Variants in FMNL1 observed in about 807,000 individuals in gnomAD.
The protein encoded by FMNL1 is formin-like protein 1.
A neutral mutation model predicts 121.3 loss-of-function variants in FMNL1; 43 were observed. The ratio of observed to expected loss-of-function variants is 0.35; its 90% confidence interval spans 0.28 to 0.46. FMNL1 has a LOEUF of 0.46. FMNL1 is among the 20% of genes least tolerant of loss of function. The pLI, the probability that FMNL1 is intolerant of heterozygous loss-of-function variation, is 1.00. For synonymous variants in FMNL1, 613 were observed against 613.5 expected (o/e 1.00, Z 0.01); for missense variants, 1,191 against 1,482.4 (o/e 0.80, Z 3.23).
rs1382427058 is a variant in FMNL1 at position 45,222,167 on chromosome 17, G to A, written c.43G>A (p.Ala15Thr). 4 of 1,213,970 alleles carry A rather than the reference G, an allele frequency of 3.3e-6. No individual in the cohort carries two copies. Among genetic ancestry groups the A allele is most frequent in the African/African-American group, 3.2e-5 (2 of 62,186 alleles). The allele number at this position is 1,213,970 out of a possible 1,614,324, so 75.2% of individuals were successfully genotyped here. A position where few individuals can be genotyped will look rare whatever the true frequency, so the allele number is the denominator to read the frequency against. Residue 15 changes from alanine (A) to threonine (T), a missense_variant, in exon 1 of 27, where the codon GCC becomes ACC. By Grantham distance (58) the Ala-to-Thr change is moderately conservative (BLOSUM62 0). Around this residue, in one of 4 missense-constraint regions of FMNL1, gnomAD observed 52 missense variants for 43.4 expected, o/e 1.20. Transcript: ENST00000331495. ...CAGCGCCGAGCAGCCCGCGGGCCCC[G>A]CCGCGCCGCCCCCCAAGCAGCCCGC... ...AGSAEQPAGPAAPPPKQPAPP... is the reference protein window; with the variant it reads ...AGSAEQPAGPTAPPPKQPAPP...
In FMNL1 at chr17:45,241,751, TAGG is replaced by T; in HGVS notation, c.1586-93_1586-91del. ...GTTTGGATTGTAGGCTCGGCTCAGG[TAGG>T]AGCGCATGCGTAGAGCGGAGAGGCG... On this transcript the variant is annotated intron_variant, in intron 14 of 26. Coordinates refer to ENST00000331495, the MANE Select transcript of FMNL1 (RefSeq NM_005892.4). The surrounding 1 kb of genome is among the most constrained non-coding windows in gnomAD (Gnocchi z 7.0). 1 of 1,430,398 alleles carries T rather than the reference TAGG, an allele frequency of 7.0e-7. No homozygotes were observed. Among genetic ancestry groups the T allele is most frequent in the Non-Finnish European group, 9.1e-7 (1 of 1,096,178 alleles). The allele number at this position is 1,430,398 out of a possible 1,614,324, so 88.6% of individuals were successfully genotyped here.
Position 45,233,606 on chromosome 17 carries a change from A to G in FMNL1, c.402-42A>G. Reference sequence around the variant, plus strand: ...CTGTTCTGTGCCCATGTGGGGCAGGACCTCCTTTCTGGCTGGAGCTCAGGG... The same window carrying G: ...CTGTTCTGTGCCCATGTGGGGCAGGGCCTCCTTTCTGGCTGGAGCTCAGGG... On this transcript the variant is annotated intron_variant, in intron 4 of 26. Coordinates refer to ENST00000331495, the MANE Select transcript of FMNL1 (RefSeq NM_005892.4). This position sits in a 1 kb window ranked among gnomAD's most constrained non-coding sequence, Gnocchi z 4.1. 1 of 1,611,074 alleles carries G rather than the reference A, an allele frequency of 6.2e-7. No individual in the cohort carries two copies. The highest frequency in any genetic ancestry group is 8.5e-7 in the Non-Finnish European group (1 of 1,177,884).
intron 9 of FMNL1, chr17:45,238,291 G>C: frequency 2.6e-6 from 1 of 388,418 alleles, no homozygotes; most frequent in African/African-American, 2.1e-5. Flanking sequence ...GGAAGCAAGG[G>C]ACTTGGTGTG....
At chr17:45,240,430 C>CA in intron 11 of FMNL1, 46 bp from the exon 12 acceptor site, 1 of 1,520,248 alleles carries the variant, frequency 6.6e-7, no homozygotes, top group South Asian at 1.3e-5. Flanking sequence ...GACTCCCCCC[C>CA]ACACACACAC....
chr17:45,242,016 GC>G lies in FMNL1; in HGVS notation c.1760del (p.Pro587HisfsTer33), dbSNP rs1273555855. 1 of 1,288,292 alleles carries G rather than the reference GC, an allele frequency of 7.8e-7. No homozygotes were observed. Among genetic ancestry groups the G allele is most frequent in the Non-Finnish European group, 9.9e-7 (1 of 1,014,104 alleles). The allele number at this position is 1,288,292 out of a possible 1,614,324, so 79.8% of individuals were successfully genotyped here. A position where few individuals can be genotyped will look rare whatever the true frequency, so the allele number is the denominator to read the frequency against. ...CGCCGCCGCTGCCCGGAGACCTGCC[GC>G]CCCCACCCCCGCCACCGCCACCACC... Reference protein sequence around the residue: ...PAPPLPGDLPPPPPPPPPPPG... With the variant: ...PAPPLPGDLPXPPPPPPPPPG... On this transcript the variant is annotated frameshift_variant, in exon 15 of 27. Transcript: ENST00000331495. LOFTEE classifies it high-confidence loss of function.
intron 19 of FMNL1, 32 bp downstream of exon 19, chr17:45,244,276 C>A (rs1400318516): frequency 6.3e-7 from 1 of 1,594,910 alleles, no homozygotes; most frequent in African/African-American, 1.3e-5. Flanking sequence ...CCCACCCTTG[C>A]CTGTTCTGGA....
chr17:45,238,511 T>G (rs1598199854), intron 9 of FMNL1, 53 bp from the exon 10 acceptor site: 2 of 1,592,394 alleles, frequency 1.3e-6, no homozygotes, highest in Non-Finnish European at 1.7e-6. Context: ...AGCCAGAAGG[T>G]AGCTTAGGAC....
In FMNL1 at chr17:45,240,714, GCAGA is replaced by G. The variant is rs2043669399; in HGVS notation, c.1230+93_1230+96del. 25 of 1,492,568 alleles carry G rather than the reference GCAGA, an allele frequency of 1.7e-5. No individual in the cohort carries two copies. In the South Asian group the frequency reaches 2.7e-4, roughly 16 times the overall value. 92.5% of individuals were successfully genotyped at this position (1,492,568 alleles called of 1,614,324 possible). On this transcript the variant is annotated intron_variant, in intron 12 of 26. Transcript: ENST00000331495. ...GCCACGCAAGCATGGGCACTGGGCA[GCAGA>G]CAGTGTTATAATTGTGCATTGGAGG...
chr17:45,237,499 C>CG lies in FMNL1; in HGVS notation c.801-44dup. 1 of 1,611,718 alleles carries CG rather than the reference C, an allele frequency of 6.2e-7. No individual in the cohort carries two copies. The highest frequency in any genetic ancestry group is 8.5e-7 in the Non-Finnish European group (1 of 1,177,920). ...GCCAGGCCTGTGCCCACCCTTGCCG[C>CG]GGGTCCTGCCTGTTCTCAAGGGACA... On this transcript the variant is annotated intron_variant, in intron 8 of 26. Transcript: ENST00000331495. The surrounding 1 kb of genome is among the most constrained non-coding windows in gnomAD (Gnocchi z 4.4).
chr17:45,234,977 C>G (rs529960139), intron 6 of FMNL1: 1 of 152,552 alleles, frequency 6.6e-6, no homozygotes, highest in East Asian at 1.9e-4. Flanking sequence ...CATCCTAACA[C>G]GGGCATCTTG....
intron 12 of FMNL1, chr17:45,240,843 C>T: frequency 1.3e-6 from 1 of 754,536 alleles, no homozygotes; most frequent in Non-Finnish European, 2.1e-6. Flanking sequence ...CTGACAGGCC[C>T]CTCCTCTACC....
At chr17:45,232,924 T>C (rs1199837232) in intron 3 of FMNL1, 2 of 568,622 alleles carry the variant, frequency 3.5e-6, no homozygotes, top group Admixed American at 4.4e-5. Flanking sequence ...GATGTTCATG[T>C]GCTGTGTGTG....
rs763077404 is a variant in FMNL1, at chr17:45,230,657, C to T, written c.183C>T (p.Asn61=). 5 of 1,613,772 alleles carry T rather than the reference C, an allele frequency of 3.1e-6. No individual in the cohort carries two copies. Among genetic ancestry groups the T allele is most frequent in the Non-Finnish European group, 4.2e-6 (5 of 1,179,868 alleles). Residue 61 remains asparagine (N), a synonymous_variant, in exon 2 of 27, where the codon AAC becomes AAT. Coordinates refer to ENST00000331495, the MANE Select transcript of FMNL1 (RefSeq NM_005892.4). ...TCCAGCTGCTGAGCCAGTATGACAA[C>T]GAGAAGAAGTGGGAGCTCATCTGTG... ...DKVQLLSQYD[N]EKKWELICDQ... is the part of the protein sequence containing the mutation.
rs1444775851 is a variant in FMNL1, at chr17:45,233,458, C to G, written c.401+161C>G. ...GGACAGCTTCCCCTCCCCTTCCTGCCCATGCTCTGACTGGCACCTTGAGGC... is the reference window on the plus strand; with the variant it reads ...GGACAGCTTCCCCTCCCCTTCCTGCGCATGCTCTGACTGGCACCTTGAGGC... On this transcript the variant is annotated intron_variant, in intron 4 of 26. Transcript: ENST00000331495. The surrounding 1 kb of genome is among the most constrained non-coding windows in gnomAD (Gnocchi z 4.1). 6.6e-6 allele frequency among the ~76,000 whole-genome samples: 1 copy of G among 152,108 alleles called. No individual in the cohort carries two copies. Among genetic ancestry groups the G allele is most frequent in the Non-Finnish European group, 1.5e-5 (1 of 67,990 alleles).
At chr17:45,227,090 A>T (rs950982759) in intron 1 of FMNL1, among the ~76,000 whole-genome samples, 1 of 151,706 alleles carries the variant, frequency 6.6e-6, no homozygotes, top group Non-Finnish European at 1.5e-5. Flanking sequence ...GGGCTGGGGG[A>T]CAGGCTCAGC....
chr17:45,240,052 C>G (rs945284361), intron 11 of FMNL1, among the ~76,000 whole-genome samples: 2 of 152,172 alleles, frequency 1.3e-5, no homozygotes, highest in African/African-American at 4.8e-5. Context: ...CAGCCTCCCA[C>G]AGTGCTGGGA....
At chr17:45,222,381 C>G in intron 1 of FMNL1, 128 bp downstream of exon 1, 8 of 804,334 alleles carry the variant, frequency 9.9e-6, no homozygotes, top group Non-Finnish European at 1.3e-5. Context: ...GCAGCTGCCC[C>G]CTCCAGGAGG....
At chr17:45,230,524 G>A in intron 1 of FMNL1, 80 bp from the exon 2 acceptor site, 6 of 1,356,544 alleles carry the variant, frequency 4.4e-6, no homozygotes, top group Non-Finnish European at 4.2e-6. Flanking sequence ...GAGCCAAGTG[G>A]GTTTCCCCCA....
In FMNL1 at chr17:45,246,532, G is replaced by A. The variant is rs761421986; in HGVS notation, c.3239G>A (p.Arg1080His). The A allele has an allele frequency of 3.1e-6, 5 of 1,613,682 alleles. No individual in the cohort carries two copies. Among genetic ancestry groups the A allele is most frequent in the South Asian group, 1.1e-5 (1 of 91,060 alleles). ...TVIKTVPFTARTGKRTSRLLC... is the reference protein window; with the variant it reads ...TVIKTVPFTAHTGKRTSRLLC... The stretch of plus-strand genomic sequence containing the variant: ...ATCAAGACGGTGCCCTTCACGGCCC[G>A]CACCGGCAAGCGGACATCCCGGCTC... The change falls in exon 26 of 27, where the codon CGC (arginine) becomes CAC (histidine). Residue 1080 changes from arginine (R) to histidine (H), a missense_variant. Arg to His is a conservative substitution (Grantham distance 29). Coordinates refer to ENST00000331495, the MANE Select transcript of FMNL1 (RefSeq NM_005892.4).
Sources: gnomAD v4.1 joint callset for allele counts (sites outside exome capture counted in the v4.1 genomes callset) on GRCh38, gnomAD v4.1.1 for gene constraint, gnomAD v4.1.1 regional missense constraint, Gnocchi (gnomAD v3.1) non-coding constraint, MANE v1.5 for transcripts, NCBI Gene and HGNC (gene_info 2026-07-23, HGNC 2026-07-21) for gene names.